Variants in ANKRD35 observed in about 807,000 individuals in gnomAD.
ANKRD35 encodes the protein ankyrin repeat domain 35.
ANKRD35 carries 102 observed loss-of-function variants against 109.9 expected under a neutral mutation model. That is an observed-to-expected ratio of 0.93 (90% CI 0.79 to 1.09). The LOEUF is 1.09. Ranked by LOEUF, ANKRD35 falls within the 50% of genes least tolerant of loss-of-function variation. The pLI is 0.00. For missense variants in ANKRD35, 1,240 were observed against 1,230.1 expected (o/e 1.01, Z -0.12); for synonymous variants, 515 against 512.4 (o/e 1.01, Z -0.07).
chr1:145,873,538 T>C lies in ANKRD35; in HGVS notation c.1231A>G (p.Lys411Glu). 6.2e-7 allele frequency: 1 copy of C among 1,614,138 alleles called. No individual in the cohort carries two copies. The change falls in exon 10 of 14, where the codon AAG (lysine) becomes GAG (glutamate). Residue 411 changes from lysine (K) to glutamate (E), a missense_variant. Transcript: ENST00000355594. ...CTTCCATGGACTTCATACTGGATCT[T>C]TCCTGGGGCTGAGTCCTCAGCCTTC... ...PKKAEDSAPG[K>E]IQYEVHGRSQ... is the part of the protein sequence containing the mutation.
intron 1 of ANKRD35, among the ~76,000 whole-genome samples, chr1:145,881,764 C>T (rs1368300727): frequency 2.0e-5 from 3 of 152,102 alleles, no homozygotes; most frequent in Non-Finnish European, 2.9e-5. Context: ...GCATCTAGCT[C>T]GGTGTCTGTC....
chr1:145,871,040 C>T (rs1204360401), intron 10 of ANKRD35, among the ~76,000 whole-genome samples: 12 of 151,258 alleles, frequency 7.9e-5, no homozygotes, highest in African/African-American at 2.7e-4. Context: ...GTTCATAAAA[C>T]ATGTCTCATA....
chr1:145,867,469 G>GTGCCCTCAGGGATAC, intron 12 of ANKRD35, 77 bp from the exon 13 acceptor site: 1 of 1,285,462 alleles, frequency 7.8e-7, no homozygotes, highest in Non-Finnish European at 1.1e-6. Context: ...GAGGTTCTGT[G>GTGCCCTCAGGGATAC]GTACAGTGGA....
At chr1:145,876,054 AACACAC>A in intron 7 of ANKRD35, 80 bp downstream of exon 7, 1 of 1,111,830 alleles carries the variant, frequency 9.0e-7, no homozygotes, top group Non-Finnish European at 1.3e-6. Context: ...AACACACACA[AACACAC>A]ACACACACAC....
At chr1:145,869,145 G>A (rs1653714906) in intron 10 of ANKRD35, among the ~76,000 whole-genome samples, 1 of 151,208 alleles carries the variant, frequency 6.6e-6, no homozygotes, top group African/African-American at 2.4e-5. Context: ...CTTCCGGGAG[G>A]AACAATACTT....
Position 145,867,626 on chromosome 1 carries a change from C to T in ANKRD35, c.2944-234G>A, listed in dbSNP as rs587743220. Among the ~76,000 whole-genome samples, 104 of 152,236 alleles carry T rather than the reference C, an allele frequency of 6.8e-4. 1 individual carries two copies. Among genetic ancestry groups the T allele is most frequent in the African/African-American group, 2.2e-3 (93 of 41,542 alleles). On this transcript the variant is annotated intron_variant, in intron 12 of 13. Coordinates refer to ENST00000355594, the MANE Select transcript of ANKRD35 (RefSeq NM_144698.5). ...TGAATATGAAGCAAAGCACCAGGTACACAATAGGTGTTCATTCCATTCTTT... is the reference window on the plus strand; with the variant it reads ...TGAATATGAAGCAAAGCACCAGGTATACAATAGGTGTTCATTCCATTCTTT...
rs1653951590 is a variant in ANKRD35 at position 145,873,824 on chromosome 1, C to G, written c.945G>C (p.Glu315Asp). 3.1e-6 allele frequency: 5 copies of G among 1,610,440 alleles called. No homozygotes were observed. The highest frequency in any genetic ancestry group is 3.4e-6 in the Non-Finnish European group (4 of 1,178,144). ...TACACTCTTCTGTCTTTTGCACCAG[C>G]TCCTGCTCCAGCCGAACAACTTTCC... is the stretch of plus-strand genomic sequence containing the variant. ...ERRKVVRLEQ[E>D]LVQKTEECKT... The change falls in exon 10 of 14, where the codon GAG (glutamate) becomes GAC (aspartate). Residue 315 changes from glutamate to aspartate, a missense_variant. By Grantham distance (45) the Glu-to-Asp change is conservative. Coordinates refer to ENST00000355594, the MANE Select transcript of ANKRD35 (RefSeq NM_144698.5).
chr1:145,876,959 G>C (rs1654104167), intron 4 of ANKRD35, 86 bp from the exon 5 acceptor site: 5 of 1,417,510 alleles, frequency 3.5e-6, no homozygotes, highest in Non-Finnish European at 4.0e-6. Context: ...AATTTCCATG[G>C]TAATATGAGG....
intron 6 of ANKRD35, 107 bp from the exon 7 acceptor site, chr1:145,876,353 A>G: frequency 8.9e-6 from 11 of 1,233,158 alleles, no homozygotes; most frequent in Non-Finnish European, 1.2e-5. Context: ...ATAAAAGCCC[A>G]GATCTTGGGT....
intron 13 of ANKRD35, 102 bp downstream of exon 13, chr1:145,867,185 T>TCAGC: frequency 1.3e-6 from 1 of 753,510 alleles, no homozygotes; most frequent in Middle Eastern, 3.5e-4. Context: ...CTCCCCATTG[T>TCAGC]CAGCCACCAC....
rs74119692 is a variant in ANKRD35 at position 145,876,006 on chromosome 1, G to T, written c.560+134C>A. 1,162 of 717,384 alleles carry T rather than the reference G, an allele frequency of 1.6e-3. 10 individuals carry two copies. The African/African-American group carries it at 0.019, about 11-fold the overall frequency. 44.4% of individuals were successfully genotyped at this position (717,384 alleles called of 1,614,324 possible). A position where few individuals can be genotyped will look rare whatever the true frequency, so the allele number is the denominator to read the frequency against. ...AGAACCTCCACTGGGAAGGAATGAG[G>T]TTCCCAAGAACACAAAGACCAACCT... On this transcript the variant is annotated intron_variant, in intron 7 of 13. Coordinates refer to ENST00000355594, the MANE Select transcript of ANKRD35 (RefSeq NM_144698.5).
At chr1:145,883,076 ATTTTTTTTTT>A (rs34686883) in intron 1 of ANKRD35, among the ~76,000 whole-genome samples, 50 of 83,428 alleles carry the variant, frequency 6.0e-4, no homozygotes, top group African/African-American at 2.0e-3. Flanking sequence ...GACAGTACCA[ATTTTTTTTTT>A]TTTTTTTTTT....
chr1:145,885,762 C>A lies in ANKRD35; in HGVS notation c.-4G>T. ...AGCAGGAGAAGATACGCTTCATGGC[C>A]GGGGTCGGGGCCACGGGGGATGGGG... is the stretch of plus-strand genomic sequence containing the variant. On this transcript the variant is annotated 5_prime_UTR_variant, in exon 1 of 14. Transcript: ENST00000355594. The A allele has an allele frequency of 6.2e-7, 1 of 1,613,600 alleles. No homozygotes were observed. The highest frequency in any genetic ancestry group is 1.1e-5 in the South Asian group (1 of 91,044).
At position 145,872,381 on chromosome 1, in the gene ANKRD35, A is replaced by G; in HGVS notation, c.2388T>C (p.Val796=). The change falls in exon 10 of 14, where the codon GTT becomes GTC. Residue 796 remains valine, a synonymous_variant. Transcript: ENST00000355594. ...LGKLEEELRA[V]QATMSGKSQE... Reference sequence around the variant, plus strand: ...GGCTCTTCCCGCTCATCGTGGCCTGAACTGCCCGCAGCTCTTCCTCCAGCT... The same window carrying G: ...GGCTCTTCCCGCTCATCGTGGCCTGGACTGCCCGCAGCTCTTCCTCCAGCT... 6.2e-7 allele frequency: 1 copy of G among 1,613,118 alleles called. No homozygotes were observed. The highest frequency in any genetic ancestry group is 8.5e-7 in the Non-Finnish European group (1 of 1,179,696).
intron 2 of ANKRD35, among the ~76,000 whole-genome samples, chr1:145,878,844 G>C (rs1013600438): frequency 1.3e-5 from 2 of 152,218 alleles, no homozygotes; most frequent in Non-Finnish European, 2.9e-5. Flanking sequence ...GCTTTGGGTA[G>C]AGACAAGGGA....
In ANKRD35 at chr1:145,868,060, G is replaced by A; in HGVS notation, c.2878-4C>T. On this transcript the variant is annotated splice_region_variant and splice_polypyrimidine_tract_variant and intron_variant, in intron 11 of 13. Coordinates refer to ENST00000355594, the MANE Select transcript of ANKRD35 (RefSeq NM_144698.5). ...CTTCATGGTTCTTCTGGGAATCCTG[G>A]GAATGAACATCAATGGGAAGTCACA... 6.2e-7 allele frequency: 1 copy of A among 1,613,824 alleles called. No individual in the cohort carries two copies. The highest frequency in any genetic ancestry group is 8.5e-7 in the Non-Finnish European group (1 of 1,179,872).
intron 1 of ANKRD35, among the ~76,000 whole-genome samples, chr1:145,880,963 A>G (rs952162594): frequency 1.3e-5 from 2 of 152,194 alleles, no homozygotes; most frequent in Non-Finnish European, 2.9e-5. Flanking sequence ...ATTCAAGATC[A>G]CGAAAAAGAG....
At position 145,873,808 on chromosome 1, in the gene ANKRD35, CTG is replaced by C; in HGVS notation, c.959_960del (p.Thr320ArgfsTer4). 4.4e-6 allele frequency: 7 copies of C among 1,609,002 alleles called. No homozygotes were observed. Among genetic ancestry groups the C allele is most frequent in the Non-Finnish European group, 5.9e-6 (7 of 1,177,478 alleles). On this transcript the variant is annotated frameshift_variant, in exon 10 of 14. Transcript: ENST00000355594. LOFTEE classifies it high-confidence loss of function. ...GCTGCAGCTTGAGTCTTACACTCTTCTGTCTTTTGCACCAGCTCCTGCTCCAG... is the reference window on the plus strand; with the variant it reads ...GCTGCAGCTTGAGTCTTACACTCTTCTCTTTTGCACCAGCTCCTGCTCCAG... ...VRLEQELVQK[T>X]EECKTQAAAY...
At chr1:145,877,043 G>T (rs1553740261) in intron 4 of ANKRD35, among the ~76,000 whole-genome samples, 170 bp from the exon 5 acceptor site, 1 of 152,200 alleles carries the variant, frequency 6.6e-6, no homozygotes, top group Non-Finnish European at 1.5e-5. Flanking sequence ...ATGATAGGCA[G>T]CCTTGAATAT....
Sources: allele counts gnomAD v4.1 joint callset (sites outside exome capture counted in the v4.1 genomes callset), GRCh38; gene constraint gnomAD v4.1.1; transcripts MANE v1.5; gene names NCBI Gene and HGNC (gene_info 2026-07-23, HGNC 2026-07-21).